Variants in DDX24 observed in about 807,000 individuals in gnomAD.
DDX24 encodes the protein ATP-dependent RNA helicase DDX24.
DDX24 carries 24 observed loss-of-function variants against 68.9 expected under a neutral mutation model. That is an observed-to-expected ratio of 0.35 (90% CI 0.25 to 0.49). DDX24 has a LOEUF of 0.49. DDX24 is among the 20% of genes least tolerant of loss of function. The pLI is 0.99. For synonymous variants in DDX24, 395 were observed against 385.2 expected (o/e 1.03, Z -0.30); for missense variants, 989 against 1,039.0 (o/e 0.95, Z 0.66).
chr14:94,076,344 C>A (rs7158774), intron 2 of DDX24, among the ~76,000 whole-genome samples: 1 of 151,864 alleles, frequency 6.6e-6, no homozygotes, highest in Non-Finnish European at 1.5e-5. Flanking sequence ...CAGATACCAC[C>A]CCCTCCAGTA....
At chr14:94,053,305 T>C in intron 7 of DDX24, 178 bp from the exon 8 acceptor site, 1 of 437,812 alleles carries the variant, frequency 2.3e-6, no homozygotes, top group Non-Finnish European at 3.6e-6. Flanking sequence ...CAAGCAATCC[T>C]CCCACCTCAG....
At chr14:94,065,665 C>T (rs1885688201) in intron 2 of DDX24, among the ~76,000 whole-genome samples, 1 of 152,162 alleles carries the variant, frequency 6.6e-6, no homozygotes, top group East Asian at 1.9e-4. Context: ...CCAGGAGACC[C>T]CCAAATACCG....
intron 2 of DDX24, among the ~76,000 whole-genome samples, chr14:94,072,019 T>A (rs1240673877): frequency 6.6e-6 from 1 of 152,256 alleles, no homozygotes; most frequent in Non-Finnish European, 1.5e-5. Context: ...AGCAAACTAG[T>A]ATAGCCACTA....
chr14:94,060,967 A>G lies in DDX24; in HGVS notation c.1343T>C (p.Leu448Pro). The change falls in exon 4 of 9, where the codon CTG becomes CCG. Residue 448 changes from leucine to proline, a missense_variant. Physicochemically the swap from Leu to Pro is moderately conservative, Grantham distance 98. Coordinates refer to ENST00000621632, the MANE Select transcript of DDX24 (RefSeq NM_020414.4). ...ATGCTTTTCTTTAATTAATTCCCAC[A>G]GCCGGCCTGGAGTAGCAACCACAAT... is the stretch of plus-strand genomic sequence containing the variant. ...PEIVVATPGR[L>P]WELIKEKHYH... The G allele has an allele frequency of 6.2e-7, 1 of 1,614,194 alleles. No individual in the cohort carries two copies. Among genetic ancestry groups the G allele is most frequent in the Non-Finnish European group, 8.5e-7 (1 of 1,180,018 alleles).
In DDX24 at chr14:94,049,911, T is replaced by C. The variant is rs190110361; in HGVS notation, c.*1280A>G. 10 of 151,936 alleles carry C rather than the reference T, an allele frequency of 6.6e-5. No homozygotes were observed. The highest frequency in any genetic ancestry group is 5.2e-4 in the Admixed American group (8 of 15,240). The allele number at this position is 151,936 out of a possible 1,614,324, so 9.4% of individuals were successfully genotyped here. On this transcript the variant is annotated 3_prime_UTR_variant, in exon 9 of 9. Coordinates refer to ENST00000621632, the MANE Select transcript of DDX24 (RefSeq NM_020414.4). Reference sequence around the variant, plus strand: ...CCCTGTCTCAAAAAAAAAAGAAAATTATTTCTCAGGACCTTCAAGACTAAA... The same window carrying C: ...CCCTGTCTCAAAAAAAAAAGAAAATCATTTCTCAGGACCTTCAAGACTAAA...
chr14:94,057,697 T>C, intron 6 of DDX24, 125 bp downstream of exon 6: 1 of 848,528 alleles, frequency 1.2e-6, no homozygotes, highest in Non-Finnish European at 1.8e-6. Flanking sequence ...GGGCACTCGA[T>C]GCCAGTGGTA....
chr14:94,068,917 A>G (rs1251998690), intron 2 of DDX24, among the ~76,000 whole-genome samples: 9 of 151,764 alleles, frequency 5.9e-5, no homozygotes, highest in Admixed American at 5.9e-4. Flanking sequence ...AGTCTGAAAG[A>G]GCACAAACAG....
At chr14:94,061,134 A>G in intron 3 of DDX24, 68 bp from the exon 4 acceptor site, 1 of 1,560,202 alleles carries the variant, frequency 6.4e-7, no homozygotes, top group Non-Finnish European at 8.8e-7. Context: ...TGGCTGACAC[A>G]GGCACCCCAG....
intron 7 of DDX24, 28 bp downstream of exon 7, chr14:94,054,968 T>G: frequency 1.9e-6 from 3 of 1,608,380 alleles, no homozygotes; most frequent in Non-Finnish European, 1.7e-6. Flanking sequence ...ATCCCTTCAT[T>G]AGCACTGGGG....
rs895475296 is a variant in DDX24 at position 94,055,104 on chromosome 14, G to A, written c.2070C>T (p.Leu690=). Residue 690 remains leucine, a synonymous_variant, in exon 7 of 9, where the codon CTC becomes CTT. Transcript: ENST00000621632. ...AGTTGATCACATCCTCAGGCCCAAT[G>A]AGCATCAGACTGAGGCCTTCATTGG... is the stretch of plus-strand genomic sequence containing the variant. The part of the protein sequence containing the change: ...RATNEGLSLM[L]IGPEDVINFK... The A allele has an allele frequency of 1.2e-6, 2 of 1,614,084 alleles. No homozygotes were observed. Among genetic ancestry groups the A allele is most frequent in the African/African-American group, 1.3e-5 (1 of 74,918 alleles).
At position 94,060,900 on chromosome 14, in the gene DDX24, T is replaced by A; in HGVS notation, c.1397+13A>T. 1 of 1,613,658 alleles carries A rather than the reference T, an allele frequency of 6.2e-7. No homozygotes were observed. Among genetic ancestry groups the A allele is most frequent in the South Asian group, 1.1e-5 (1 of 91,046 alleles). ...AAGGCAGTGAGGGGGAAAAGAGAAG[T>A]GCCATCTATTACCTGAGCTGCCGAA... is the stretch of plus-strand genomic sequence containing the variant. On this transcript the variant is annotated intron_variant, in intron 4 of 8. Coordinates refer to ENST00000621632, the MANE Select transcript of DDX24 (RefSeq NM_020414.4).
Position 94,060,344 on chromosome 14 carries a change from T to C in DDX24, c.1667A>G (p.Asn556Ser), listed in dbSNP as rs186275594. The stretch of plus-strand genomic sequence containing the variant: ...TGTTAGCGTCTCCACCGTGGCCTCA[T>C]TCCTTGTGAGGTCAATGACCTTGGG... ...GKPKVIDLTR[N>S]EATVETLTET... is the part of the protein sequence containing the mutation. The change falls in exon 5 of 9, where the codon AAT (asparagine) becomes AGT (serine). Residue 556 changes from asparagine (N) to serine (S), a missense_variant. Around this residue, in one of 3 missense-constraint regions of DDX24, gnomAD observed 691 missense variants for 760.0 expected, o/e 0.91. Transcript: ENST00000621632. 1.9e-6 allele frequency: 3 copies of C among 1,614,200 alleles called. No individual in the cohort carries two copies. The East Asian group carries it at 6.7e-5, about 36-fold the overall frequency.
intron 7 of DDX24, among the ~76,000 whole-genome samples, chr14:94,053,738 C>T (rs545296655): frequency 4.7e-4 from 71 of 152,164 alleles, no homozygotes; most frequent in African/African-American, 1.7e-3. Context: ...CACTTGAACC[C>T]GGGAGGCGAA....
In DDX24 at chr14:94,051,433, G is replaced by A. The variant is rs751546083; in HGVS notation, c.2338C>T (p.Arg780Trp). ...AGAACCTTCATCTGCTTTTGTCTCC[G>A]ACGTTCTTCTTGCTGGTCAGCTTTT... is the stretch of plus-strand genomic sequence containing the variant. The part of the protein sequence containing the change: ...GGKADQQEER[R>W]RQKQMKVLKK... Residue 780 changes from arginine to tryptophan, a missense_variant, in exon 9 of 9, where the codon CGG becomes TGG. Arg to Trp is a moderately radical substitution (Grantham distance 101). Transcript: ENST00000621632. The A allele has an allele frequency of 3.8e-6, 6 of 1,570,678 alleles. No individual in the cohort carries two copies. The highest frequency in any genetic ancestry group is 2.7e-5 in the African/African-American group (2 of 72,996).
rs745895108 is a variant in DDX24 at position 94,055,179 on chromosome 14, T to G, written c.1995A>C (p.Pro665=). 1.2e-6 allele frequency: 2 copies of G among 1,612,088 alleles called. No homozygotes were observed. Among genetic ancestry groups the G allele is most frequent in the Non-Finnish European group, 8.5e-7 (1 of 1,178,678 alleles). ...KVQHVIHYQV[P]RTSEIYVHRS... ...GGTGGACATAAATCTCCGAGGTACG[T>G]GGGACCTGCCACAGGAAGAACTGGG... The change falls in exon 7 of 9, where the codon CCA becomes CCC. Residue 665 remains proline, a synonymous_variant. Coordinates refer to ENST00000621632, the MANE Select transcript of DDX24 (RefSeq NM_020414.4).
chr14:94,053,032 G>C lies in DDX24; in HGVS notation c.2274C>G (p.Ala758=). Residue 758 remains alanine (A), a synonymous_variant, in exon 8 of 9, where the codon GCC becomes GCG. Coordinates refer to ENST00000621632, the MANE Select transcript of DDX24 (RefSeq NM_020414.4). ...TGTCTTCTTCCAGCTCAATCTCCAG[G>C]GCAGCTGCTGCCTGCTCAATCCAAG... ...HNSWIEQAAA[A]LEIELEEDMY... The C allele has an allele frequency of 6.2e-7, 1 of 1,614,102 alleles. No individual in the cohort carries two copies. Among genetic ancestry groups the C allele is most frequent in the South Asian group, 1.1e-5 (1 of 91,072 alleles).
chr14:94,054,501 T>C (rs1468680409), intron 7 of DDX24, among the ~76,000 whole-genome samples: 2 of 152,206 alleles, frequency 1.3e-5, no homozygotes, highest in Non-Finnish European at 2.9e-5. Flanking sequence ...TATTCACAGC[T>C]GGCAAACCTC....
At chr14:94,056,318 G>A (rs1161277771) in intron 6 of DDX24, 1 of 152,248 alleles carries the variant, frequency 6.6e-6, no homozygotes, top group Non-Finnish European at 1.5e-5. Flanking sequence ...CAGGATGGGG[G>A]CTGGTCACCA....
Position 94,058,866 on chromosome 14 carries a change from A to G in DDX24, c.1914-969T>C, listed in dbSNP as rs563039728. On this transcript the variant is annotated intron_variant, in intron 5 of 8. Transcript: ENST00000621632. ...GAACCACACAGTCTCTATGGCAACT[A>G]TTCAACTCTGCCGCAAAAGAGGATA... Among the ~76,000 whole-genome samples, 76 of 152,346 alleles carry G rather than the reference A, an allele frequency of 5.0e-4. 1 individual carries two copies. The Middle Eastern group carries it at 0.02, about 41-fold the overall frequency.
Sources: gnomAD v4.1 joint callset for allele counts (sites outside exome capture counted in the v4.1 genomes callset) on GRCh38, gnomAD v4.1.1 for gene constraint, gnomAD v4.1.1 regional missense constraint, MANE v1.5 for transcripts, NCBI Gene and HGNC (gene_info 2026-07-23, HGNC 2026-07-21) for gene names.